Variants in TSC22D1 observed in about 807,000 individuals in gnomAD.
TSC22D1 encodes TSC22 domain family member 1, also known as TSC22 domain family protein 1.
A neutral mutation model predicts 74.2 loss-of-function variants in TSC22D1; 9 were observed. That is an observed-to-expected ratio of 0.12 (90% CI 0.07 to 0.21). The LOEUF (loss-of-function observed/expected upper bound fraction) is 0.21, where lower values mean the gene tolerates loss of function less well. Among genes scored for constraint, TSC22D1 ranks in the 10% least tolerant of loss-of-function variants. The pLI, the probability that TSC22D1 is intolerant of heterozygous loss-of-function variation, is 1.00. For missense variants in TSC22D1, 1,427 were observed against 1,304.7 expected, an observed-to-expected ratio of 1.09 and a Z score of -1.44; for synonymous variants, 586 against 492.5, an observed-to-expected ratio of 1.19 and a Z score of -2.51.
chr13:44,476,481 T>C (rs1877917823), intron 1 of TSC22D1, among the ~76,000 whole-genome samples: 1 of 152,136 alleles, frequency 6.6e-6, no homozygotes, highest in Admixed American at 6.5e-5. Context: ...TGTGCTCTAT[T>C]TTAAAAAAAG....
rs991392688 is a variant in TSC22D1, at chr13:44,433,881, C to T, written c.*745G>A. The T allele has an allele frequency of 3.4e-6, 4 of 1,186,826 alleles. No individual in the cohort carries two copies. Among genetic ancestry groups the T allele is most frequent in the Non-Finnish European group, 4.6e-6 (4 of 875,300 alleles). 73.5% of individuals were successfully genotyped at this position (1,186,826 alleles called of 1,614,324 possible). On this transcript the variant is annotated 3_prime_UTR_variant, in exon 3 of 3. Transcript: ENST00000458659. ...ATCTATATATAAAAGTCCACACCTCCTCAGACAGCCAATGAAACAACTAAA... is the reference window on the plus strand; with the variant it reads ...ATCTATATATAAAAGTCCACACCTCTTCAGACAGCCAATGAAACAACTAAA...
At chr13:44,464,717 A>G (rs1395089353) in intron 1 of TSC22D1, among the ~76,000 whole-genome samples, 1 of 152,242 alleles carries the variant, frequency 6.6e-6, no homozygotes, top group Non-Finnish European at 1.5e-5. Context: ...AGCAGCAGGA[A>G]GAATCTTTTC....
Position 44,551,046 on chromosome 13 carries a change from T to C in TSC22D1, c.2912+22117A>G, listed in dbSNP as rs528493332. On this transcript the variant is annotated intron_variant, in intron 1 of 2. Coordinates refer to ENST00000458659, the MANE Select transcript of TSC22D1 (RefSeq NM_183422.4). ...CACCTGAGCTTGGGGAAATTGAGGCTGCAGTGAGCTGTGATTGCACCACTG... is the reference window on the plus strand; with the variant it reads ...CACCTGAGCTTGGGGAAATTGAGGCCGCAGTGAGCTGTGATTGCACCACTG... 3.3e-5 allele frequency among the ~76,000 whole-genome samples: 5 copies of C among 150,998 alleles called. No homozygotes were observed. In the South Asian group the frequency reaches 1.0e-3, roughly 32 times the overall value.
chr13:44,571,301 T>G (rs1292858090), intron 1 of TSC22D1, among the ~76,000 whole-genome samples: 1 of 152,218 alleles, frequency 6.6e-6, no homozygotes, highest in Non-Finnish European at 1.5e-5. Context: ...CTTTTCTCAA[T>G]TATTATCTGG....
chr13:44,472,261 C>A (rs971445504), intron 1 of TSC22D1, among the ~76,000 whole-genome samples: 1 of 152,138 alleles, frequency 6.6e-6, no homozygotes. Context: ...AGAGGGGTCA[C>A]AAATGCAAAG....
chr13:44,575,190 A>G lies in TSC22D1; in HGVS notation c.885T>C (p.Ala295=). 1 of 1,614,102 alleles carries G rather than the reference A, an allele frequency of 6.2e-7. No individual in the cohort carries two copies. The highest frequency in any genetic ancestry group is 8.5e-7 in the Non-Finnish European group (1 of 1,180,048). Reference sequence around the variant, plus strand: ...TACCTATTCCACCTGTAGTACTTGGAGCACGCATATTAGTCATTACAGATG... The same window carrying G: ...TACCTATTCCACCTGTAGTACTTGGGGCACGCATATTAGTCATTACAGATG... ...SPASVMTNMR[A]PSTTGGIGIN... is the part of the protein sequence containing the mutation. Residue 295 remains alanine, a synonymous_variant, in exon 1 of 3, where the codon GCT becomes GCC. Coordinates refer to ENST00000458659, the MANE Select transcript of TSC22D1 (RefSeq NM_183422.4).
chr13:44,446,275 T>A (rs1368480802), intron 1 of TSC22D1, among the ~76,000 whole-genome samples: 1 of 152,152 alleles, frequency 6.6e-6, no homozygotes, highest in Non-Finnish European at 1.5e-5. Context: ...CTGCAAACCA[T>A]ATGATTCCAT....
intron 1 of TSC22D1, among the ~76,000 whole-genome samples, chr13:44,572,165 A>G (rs983185029): frequency 1.3e-5 from 2 of 152,198 alleles, no homozygotes; most frequent in Non-Finnish European, 2.9e-5. Context: ...AATCAAGGTT[A>G]GTAACAGACT....
chr13:44,543,135 G>T (rs1042476589), intron 1 of TSC22D1, among the ~76,000 whole-genome samples: 1 of 152,018 alleles, frequency 6.6e-6, no homozygotes, highest in Non-Finnish European at 1.5e-5. Flanking sequence ...GAAAATCCAT[G>T]TATATTCAAA....
chr13:44,498,975 A>T (rs1879102508), intron 1 of TSC22D1, among the ~76,000 whole-genome samples: 1 of 152,244 alleles, frequency 6.6e-6, no homozygotes. Flanking sequence ...AAAAAATGCA[A>T]AGTTTCATTA....
intron 1 of TSC22D1, among the ~76,000 whole-genome samples, chr13:44,519,945 G>GGGGA (rs953740309): frequency 3.9e-5 from 6 of 152,110 alleles, no homozygotes; most frequent in African/African-American, 1.4e-4. Flanking sequence ...ATACATAACT[G>GGGGA]AACACATGTG....
intron 1 of TSC22D1, chr13:44,539,611 G>C (rs1402241856): frequency 1.0e-6 from 1 of 985,150 alleles, no homozygotes; most frequent in Non-Finnish European, 1.2e-6. Flanking sequence ...TCTCATTTTT[G>C]AATGAGTACT....
At chr13:44,477,856 T>C (rs1055255624) in intron 1 of TSC22D1, among the ~76,000 whole-genome samples, 18 of 152,070 alleles carry the variant, frequency 1.2e-4, no homozygotes, top group African/African-American at 4.3e-4. Context: ...GTGGCCAGGC[T>C]GGTCTCAAAC....
At chr13:44,521,974 C>T (rs1880338583) in intron 1 of TSC22D1, among the ~76,000 whole-genome samples, 1 of 152,160 alleles carries the variant, frequency 6.6e-6, no homozygotes, top group Non-Finnish European at 1.5e-5. Context: ...GCAAACAAGA[C>T]AGACGTGATC....
intron 1 of TSC22D1, among the ~76,000 whole-genome samples, chr13:44,484,768 C>T (rs748502182): frequency 2.6e-5 from 4 of 152,302 alleles, no homozygotes; most frequent in African/African-American, 7.2e-5. Flanking sequence ...TTTCCCACAT[C>T]GAACCTCAAG....
chr13:44,523,305 A>G (rs1028724319), intron 1 of TSC22D1, among the ~76,000 whole-genome samples: 1 of 152,214 alleles, frequency 6.6e-6, no homozygotes, highest in Non-Finnish European at 1.5e-5. Flanking sequence ...GTATTTTCCC[A>G]AATGAGTTGA....
At chr13:44,501,336 T>C (rs1290057568) in intron 1 of TSC22D1, among the ~76,000 whole-genome samples, 1 of 152,116 alleles carries the variant, frequency 6.6e-6, no homozygotes, top group Non-Finnish European at 1.5e-5. Context: ...CTCCAAAGGC[T>C]TAGGGTTATC....
At chr13:44,544,116 A>T (rs923221709) in intron 1 of TSC22D1, among the ~76,000 whole-genome samples, 3 of 151,980 alleles carry the variant, frequency 2.0e-5, no homozygotes, top group Non-Finnish European at 2.9e-5. Flanking sequence ...TAAAAAATAA[A>T]CTTTCATGTA....
chr13:44,433,989 C>G lies in TSC22D1; in HGVS notation c.*637G>C, dbSNP rs369011519. On this transcript the variant is annotated 3_prime_UTR_variant, in exon 3 of 3. Transcript: ENST00000458659. ...ACTACATACACAAATATACAATAAG[C>G]AAAACAACCTTCATGGTAAGATAGC... 1.4e-4 allele frequency: 215 copies of G among 1,534,338 alleles called. 6 individuals carry two copies. In the East Asian group the frequency reaches 1.5e-3, roughly 10 times the overall value.
Sources: gnomAD v4.1 joint callset for allele counts (sites outside exome capture counted in the v4.1 genomes callset) on GRCh38, gnomAD v4.1.1 for gene constraint, MANE v1.5 for transcripts, NCBI Gene and HGNC (gene_info 2026-07-23, HGNC 2026-07-21) for gene names.